The following PTDSS1 variants were observed in gnomAD, a reference collection of about 807,000 sequenced individuals.
The protein encoded by PTDSS1 is phosphatidylserine synthase 1, also known as PSS-1.
Under a neutral mutation model 70.5 loss-of-function variants are expected in PTDSS1, and 45 were observed. That is an observed-to-expected ratio of 0.64 (90% confidence interval 0.50 to 0.82). The LOEUF is 0.82. Among genes scored for constraint, PTDSS1 ranks in the 40% least tolerant of loss-of-function variants. The pLI, the probability that PTDSS1 is intolerant of heterozygous loss-of-function variation, is 0.00. For missense variants in PTDSS1, 417 were observed against 586.1 expected (o/e 0.71, Z 2.98); for synonymous variants, 188 against 203.8 (o/e 0.92, Z 0.66).
intron 9 of PTDSS1, among the ~76,000 whole-genome samples, chr8:96,316,405 C>A (rs1315505641): frequency 6.6e-6 from 1 of 152,216 alleles, no homozygotes; most frequent in African/African-American, 2.4e-5. Flanking sequence ...AGAATGGGAT[C>A]ATGTCCTTTG....
intron 1 of PTDSS1, among the ~76,000 whole-genome samples, chr8:96,271,239 T>G (rs903989548): frequency 2.0e-5 from 3 of 152,214 alleles, no homozygotes; most frequent in African/African-American, 7.2e-5. Flanking sequence ...GCATAAATTA[T>G]AAGCTACATA....
chr8:96,293,280 T>G (rs1489915326), intron 4 of PTDSS1, among the ~76,000 whole-genome samples: 1 of 152,210 alleles, frequency 6.6e-6, no homozygotes, highest in African/African-American at 2.4e-5. Context: ...GGCAGCGAGA[T>G]GCATAAAAGA....
intron 1 of PTDSS1, among the ~76,000 whole-genome samples, chr8:96,266,645 G>T (rs145817527): frequency 6.6e-6 from 1 of 152,110 alleles, no homozygotes; most frequent in African/African-American, 2.4e-5. Context: ...CAAAAGCCCT[G>T]CATGCCCTTG....
intron 4 of PTDSS1, chr8:96,287,482 A>G (rs1810840387): frequency 4.0e-6 from 1 of 252,034 alleles, no homozygotes; most frequent in Non-Finnish European, 7.6e-6. Flanking sequence ...GTAAGTTGAC[A>G]TAGTAATACT....
rs1237801951 is a variant in PTDSS1, at chr8:96,330,934, G to A, written c.1243-92G>A. ...TGCCAGTGATGATCCCAGCCTGGGA[G>A]AGGCAGGGATGCAGCATGCTCGCCT... On this transcript the variant is annotated intron_variant, in intron 11 of 12. Coordinates refer to ENST00000517309, the MANE Select transcript of PTDSS1 (RefSeq NM_014754.3). The A allele has an allele frequency of 1.4e-5, 14 of 1,034,080 alleles. No homozygotes were observed. The East Asian group carries it at 3.4e-4, about 25-fold the overall frequency. 64.1% of individuals were successfully genotyped at this position (1,034,080 alleles called of 1,614,324 possible).
chr8:96,282,488 C>G (rs575976305), intron 2 of PTDSS1, among the ~76,000 whole-genome samples: 1 of 152,168 alleles, frequency 6.6e-6, no homozygotes, highest in Non-Finnish European at 1.5e-5. Flanking sequence ...CAATAAACCC[C>G]TAACCATCTG....
intron 2 of PTDSS1, among the ~76,000 whole-genome samples, chr8:96,279,816 C>CATAAATAAA (rs1185508658): frequency 8.1e-6 from 1 of 123,722 alleles, no homozygotes; most frequent in African/African-American, 4.3e-5. Context: ...AATACTCCAT[C>CATAAATAAA]TCAAATAAAT....
At chr8:96,288,625 C>CTTTTTTT (rs777705401) in intron 4 of PTDSS1, among the ~76,000 whole-genome samples, 7 of 84,654 alleles carry the variant, frequency 8.3e-5, no homozygotes, top group African/African-American at 2.3e-4. Context: ...CACGCTTGGC[C>CTTTTTTT]TTTTTTTTTT....
intron 9 of PTDSS1, 130 bp from the exon 10 acceptor site, chr8:96,320,116 C>T (rs1195408597): frequency 1.3e-6 from 1 of 744,018 alleles, no homozygotes; most frequent in Non-Finnish European, 2.3e-6. Context: ...TGTGGGGTAC[C>T]TGCTACCAGT....
intron 6 of PTDSS1, among the ~76,000 whole-genome samples, chr8:96,302,627 G>T (rs995561354): frequency 1.1e-4 from 17 of 152,078 alleles, no homozygotes; most frequent in Admixed American, 6.5e-4. Context: ...TGTCGCCTAG[G>T]CTGGAGTGCA....
chr8:96,312,095 A>G (rs1273098609), intron 9 of PTDSS1, among the ~76,000 whole-genome samples: 1 of 152,216 alleles, frequency 6.6e-6, no homozygotes, highest in Non-Finnish European at 1.5e-5. Flanking sequence ...GAGAGGTCGC[A>G]TCATGACAAA....
chr8:96,299,111 C>T (rs77203974), intron 5 of PTDSS1, among the ~76,000 whole-genome samples: 3 of 151,700 alleles, frequency 2.0e-5, no homozygotes, highest in African/African-American at 7.3e-5. Flanking sequence ...CCTTTTCTCT[C>T]ACCACCTTGC....
chr8:96,325,039 T>C (rs1326464507), intron 10 of PTDSS1, among the ~76,000 whole-genome samples: 1 of 152,198 alleles, frequency 6.6e-6, no homozygotes, highest in East Asian at 1.9e-4. Flanking sequence ...GCCACACAGA[T>C]AGATGACGGT....
chr8:96,318,194 A>G (rs926885572), intron 9 of PTDSS1, among the ~76,000 whole-genome samples: 4 of 151,816 alleles, frequency 2.6e-5, no homozygotes, highest in African/African-American at 9.7e-5. Context: ...GTGTGGTGGC[A>G]GGCGCCTGTA....
At chr8:96,293,767 T>TAA (rs1810938865) in intron 4 of PTDSS1, among the ~76,000 whole-genome samples, 1 of 152,356 alleles carries the variant, frequency 6.6e-6, no homozygotes, top group African/African-American at 2.4e-5. Context: ...AGCAGCCTTC[T>TAA]AAAAACAGAT....
At chr8:96,293,048 C>G (rs1810929398) in intron 4 of PTDSS1, among the ~76,000 whole-genome samples, 1 of 152,160 alleles carries the variant, frequency 6.6e-6, no homozygotes, top group Admixed American at 6.5e-5. Context: ...GACGGGCATG[C>G]TACCCAACCC....
chr8:96,312,331 A>C (rs1324236744), intron 9 of PTDSS1, among the ~76,000 whole-genome samples: 1 of 152,320 alleles, frequency 6.6e-6, no homozygotes, highest in East Asian at 1.9e-4. Context: ...ACATGCCTGT[A>C]GTCTGCTACT....
intron 6 of PTDSS1, among the ~76,000 whole-genome samples, chr8:96,302,883 C>T (rs1426405429): frequency 6.6e-6 from 1 of 152,150 alleles, no homozygotes; most frequent in Non-Finnish European, 1.5e-5. Context: ...TGCCTGGCCT[C>T]AGGATGTCTG....
chr8:96,324,103 C>T (rs1811407370), intron 10 of PTDSS1, among the ~76,000 whole-genome samples: 3 of 152,190 alleles, frequency 2.0e-5, no homozygotes, highest in African/African-American at 4.8e-5. Flanking sequence ...CAAGGATGCC[C>T]TTTACTCCAC....
Sources: gnomAD v4.1 joint callset for allele counts (sites outside exome capture counted in the v4.1 genomes callset) on GRCh38, gnomAD v4.1.1 for gene constraint, MANE v1.5 for transcripts, NCBI Gene and HGNC (gene_info 2026-07-23, HGNC 2026-07-21) for gene names.